The following KLF7 variants were observed in gnomAD, a reference collection of about 807,000 sequenced individuals.
KLF7 encodes the protein Krueppel-like factor 7.
KLF7 carries 2 observed loss-of-function variants against 27.3 expected under a neutral mutation model. The ratio of observed to expected loss-of-function variants is 0.07; its 90% CI spans 0.03 to 0.23. The LOEUF (loss-of-function observed/expected upper bound fraction) is 0.23, where lower values mean the gene tolerates loss of function less well. KLF7 is among the 10% of genes least tolerant of loss of function. KLF7 has a pLI of 1.00. For synonymous variants in KLF7, 165 were observed against 162.4 expected, an observed-to-expected ratio of 1.02 and a Z score of -0.12; for missense variants, 221 against 394.1, an observed-to-expected ratio of 0.56 and a Z score of 3.72.
intron 2 of KLF7, among the ~76,000 whole-genome samples, chr2:207,100,672 A>G (rs1436570113): frequency 6.6e-6 from 1 of 151,948 alleles, no homozygotes; most frequent in African/African-American, 2.4e-5. Context: ...TCCACATGTC[A>G]CCCCATCCGC....
intron 1 of KLF7, among the ~76,000 whole-genome samples, chr2:207,124,666 T>A (rs1436383290): frequency 6.6e-6 from 1 of 152,206 alleles, no homozygotes; most frequent in Non-Finnish European, 1.5e-5. Context: ...CCTTCGAGAT[T>A]CCAGAGAACA....
At chr2:207,100,151 C>A (rs1265550713) in intron 2 of KLF7, among the ~76,000 whole-genome samples, 1 of 123,718 alleles carries the variant, frequency 8.1e-6, no homozygotes, top group African/African-American at 3.2e-5. Context: ...AAAAGAAGAG[C>A]CCAAATTAGA....
At chr2:207,169,116 T>G (rs2078767776), upstream of KLF7, among the ~76,000 whole-genome samples, 1 of 152,226 alleles carries the variant, frequency 6.6e-6, no homozygotes, top group Non-Finnish European at 1.5e-5. Flanking sequence ...TAAAAGCAGA[T>G]TAGAATACAG....
chr2:207,086,458 C>T (rs1309136119), intron 3 of KLF7, among the ~76,000 whole-genome samples: 4 of 151,790 alleles, frequency 2.6e-5, no homozygotes, highest in East Asian at 1.9e-4. Flanking sequence ...TGTCGCGGGA[C>T]GCTGATCTAC....
upstream of KLF7, chr2:207,166,300 G>T: frequency 2.2e-6 from 1 of 451,538 alleles, no homozygotes; most frequent in Non-Finnish European, 2.9e-6. Flanking sequence ...GGCACGCTGC[G>T]GATCTCCCTG....
intron 3 of KLF7, among the ~76,000 whole-genome samples, chr2:207,085,809 G>C (rs2076374932): frequency 6.6e-6 from 1 of 152,142 alleles, no homozygotes. Context: ...GGAGTGATGG[G>C]AACAGTGGAA....
At chr2:207,100,159 A>G (rs1267549233) in intron 2 of KLF7, among the ~76,000 whole-genome samples, 1 of 152,162 alleles carries the variant, frequency 6.6e-6, no homozygotes, top group Non-Finnish European at 1.5e-5. Context: ...AGCCCAAATT[A>G]GATAATTTAT....
chr2:207,081,090 G>GT lies in KLF7; in HGVS notation c.*122_*123insA. On this transcript the variant is annotated 3_prime_UTR_variant, in exon 4 of 4. Transcript: ENST00000309446. The stretch of plus-strand genomic sequence containing the variant: ...GTGTGTGTGTGTGTGTGTGTACAGA[G>GT]GTTTATAAGTGAGAACTTTCTTCTG... 1.3e-6 allele frequency: 1 copy of GT among 764,598 alleles called. No individual in the cohort carries two copies. 47.4% of individuals were successfully genotyped at this position (764,598 alleles called of 1,614,324 possible). A position where few individuals can be genotyped will look rare whatever the true frequency, so the allele number is the denominator to read the frequency against.
intron 1 of KLF7, among the ~76,000 whole-genome samples, chr2:207,137,050 T>C (rs542932426): frequency 2.0e-5 from 3 of 152,242 alleles, no homozygotes; most frequent in East Asian, 3.9e-4. Flanking sequence ...TATTGCATCA[T>C]GCATTCACTA....
At chr2:207,143,396 A>G (rs1264164484) in intron 1 of KLF7, among the ~76,000 whole-genome samples, 1 of 69,694 alleles carries the variant, frequency 1.4e-5, no homozygotes, top group African/African-American at 7.7e-5. Flanking sequence ...AAATGACATG[A>G]AAAAAAAAAA....
chr2:207,106,664 A>C (rs1274040353), intron 2 of KLF7, among the ~76,000 whole-genome samples: 4 of 152,192 alleles, frequency 2.6e-5, no homozygotes, highest in Non-Finnish European at 5.9e-5. Flanking sequence ...GGACTTTGGA[A>C]CTCGTGCATG....
chr2:207,157,307 T>C (rs939368909), intron 1 of KLF7, among the ~76,000 whole-genome samples: 4 of 142,888 alleles, frequency 2.8e-5, no homozygotes, highest in African/African-American at 1.1e-4. Context: ...TGCACAAGAG[T>C]ATGGAAATCA....
chr2:207,173,055 C>T, the KLF7 span, among the ~76,000 whole-genome samples: 1 of 152,124 alleles, frequency 6.6e-6, no homozygotes, highest in Non-Finnish European at 1.5e-5. Flanking sequence ...TGGGTTGTGT[C>T]GTAGAAAATG....
rs148477307 is a variant in KLF7, at chr2:207,081,904, G to A, written c.858-640C>T. Reference sequence around the variant, plus strand: ...AAGGGTGCTCACAGTTATTGAGTATGTTACGATATGTAGGCACTATGCTAA... The same window carrying A: ...AAGGGTGCTCACAGTTATTGAGTATATTACGATATGTAGGCACTATGCTAA... On this transcript the variant is annotated intron_variant, in intron 3 of 3. Transcript: ENST00000309446. Among the ~76,000 whole-genome samples the A allele has an allele frequency of 1.2e-3, 181 of 149,616 alleles. 1 individual carries two copies. The highest frequency in any genetic ancestry group is 7.1e-3 in the Middle Eastern group (2 of 280).
chr2:207,092,420 A>C (rs2076532551), intron 2 of KLF7, among the ~76,000 whole-genome samples: 1 of 152,168 alleles, frequency 6.6e-6, no homozygotes, highest in Non-Finnish European at 1.5e-5. Context: ...GGTGAATATC[A>C]AGAACCACTT....
upstream of KLF7, among the ~76,000 whole-genome samples, chr2:207,172,094 G>A (rs905939052): frequency 1.9e-4 from 29 of 152,070 alleles, no homozygotes; most frequent in African/African-American, 7.0e-4. Context: ...ACTAAAGCAG[G>A]AATTTCTCTC....
chr2:207,075,939 C>T lies in KLF7; in HGVS notation c.*5274G>A, dbSNP rs959834416. 2.1e-4 allele frequency: 32 copies of T among 152,162 alleles called. No homozygotes were observed. The highest frequency in any genetic ancestry group is 7.7e-4 in the African/African-American group (32 of 41,520). 9.4% of individuals were successfully genotyped at this position (152,162 alleles called of 1,614,324 possible). A position where few individuals can be genotyped will look rare whatever the true frequency, so the allele number is the denominator to read the frequency against. On this transcript the variant is annotated 3_prime_UTR_variant, in exon 4 of 4. Transcript: ENST00000309446. ...CCTAGGTTTGCAGAAATCGTTCTGCCTCCAGTCCAAAGGCCTAGGTTTAAA... is the reference window on the plus strand; with the variant it reads ...CCTAGGTTTGCAGAAATCGTTCTGCTTCCAGTCCAAAGGCCTAGGTTTAAA...
upstream of KLF7, chr2:207,167,185 G>C (rs1321735226): frequency 7.1e-7 from 1 of 1,403,936 alleles, no homozygotes; most frequent in East Asian, 3.0e-5. Flanking sequence ...ATGGTGAGAG[G>C]AGGAACTCGA....
intron 1 of KLF7, among the ~76,000 whole-genome samples, chr2:207,132,843 C>T (rs1485414625): frequency 1.3e-5 from 2 of 152,214 alleles, no homozygotes; most frequent in Non-Finnish European, 2.9e-5. Context: ...TTTCCTCATT[C>T]ATTATGTCTG....
Sources: gnomAD v4.1 joint callset for allele counts (sites outside exome capture counted in the v4.1 genomes callset) on GRCh38, gnomAD v4.1.1 for gene constraint, MANE v1.5 for transcripts, NCBI Gene and HGNC (gene_info 2026-07-23, HGNC 2026-07-21) for gene names.